The following GRIK1 variants were observed in gnomAD, a reference collection of about 807,000 sequenced individuals.
GRIK1 encodes glutamate receptor ionotropic, kainate 1.
In GRIK1, 69 loss-of-function variants were observed where a neutral mutation model predicts 105.7. That is an observed-to-expected ratio of 0.65 (90% CI 0.54 to 0.80). The LOEUF (loss-of-function observed/expected upper bound fraction) is 0.80, where lower values mean the gene tolerates loss of function less well. Among genes scored for constraint, GRIK1 ranks in the 30% least tolerant of loss-of-function variants. GRIK1 has a pLI of 0.00. For synonymous variants in GRIK1, 438 were observed against 431.3 expected (o/e 1.02, Z -0.19); for missense variants, 1,109 against 1,167.3 (o/e 0.95, Z 0.73).
intron 1 of GRIK1, among the ~76,000 whole-genome samples, chr21:29,893,775 C>T (rs966875928): frequency 1.3e-5 from 2 of 152,152 alleles, no homozygotes; most frequent in Non-Finnish European, 2.9e-5. Flanking sequence ...GTAACAACTA[C>T]AATTCAGTGT....
chr21:29,749,932 G>A (rs951034347), intron 1 of GRIK1, among the ~76,000 whole-genome samples: 6 of 151,896 alleles, frequency 4.0e-5, no homozygotes, highest in South Asian at 2.1e-4. Flanking sequence ...TCAAAAGTAC[G>A]TAATCTAAAT....
intron 3 of GRIK1, among the ~76,000 whole-genome samples, chr21:29,678,120 TA>T (rs1440585176): frequency 6.6e-6 from 1 of 152,240 alleles, no homozygotes; most frequent in East Asian, 1.9e-4. Context: ...TTGCAAATTT[TA>T]AATGTTAATT....
At chr21:29,753,214 A>G (rs1332708754) in intron 1 of GRIK1, among the ~76,000 whole-genome samples, 1 of 152,240 alleles carries the variant, frequency 6.6e-6, no homozygotes, top group East Asian at 1.9e-4. Context: ...AAAATAAATT[A>G]TCTAGTGCGA....
chr21:29,580,789 C>T lies in GRIK1; in HGVS notation c.1912+636G>A, dbSNP rs1400514809. ...AAATCACAAAAGAAATGGAGTTCTT[C>T]CAAAGGTTAAAATAGCTCCCCCTTC... On this transcript the variant is annotated intron_variant, in intron 13 of 17. Transcript: ENST00000327783. Among the ~76,000 whole-genome samples, 3 of 152,038 alleles carry T rather than the reference C, an allele frequency of 2.0e-5. No individual in the cohort carries two copies. The East Asian group carries it at 5.8e-4, about 29-fold the overall frequency.
chr21:29,798,473 T>C (rs2066615797), intron 1 of GRIK1, among the ~76,000 whole-genome samples: 1 of 152,232 alleles, frequency 6.6e-6, no homozygotes, highest in African/African-American at 2.4e-5. Context: ...CCTAAGATGA[T>C]TTAGTTGTTC....
At chr21:29,609,249 A>G (rs932898000) in intron 7 of GRIK1, among the ~76,000 whole-genome samples, 3 of 152,134 alleles carry the variant, frequency 2.0e-5, no homozygotes, top group African/African-American at 7.2e-5. Flanking sequence ...TTGGTAACCT[A>G]TAAATGACAC....
intron 3 of GRIK1, among the ~76,000 whole-genome samples, chr21:29,679,874 T>G (rs1025708990): frequency 6.6e-6 from 1 of 152,218 alleles, no homozygotes; most frequent in African/African-American, 2.4e-5. Context: ...ATCCTCCATT[T>G]AAAAATAAAC....
intron 1 of GRIK1, among the ~76,000 whole-genome samples, chr21:29,793,884 G>A (rs919107794): frequency 2.6e-5 from 4 of 152,100 alleles, no homozygotes; most frequent in East Asian, 1.9e-4. Flanking sequence ...AGCATTCCAC[G>A]CACTTTGTTA....
chr21:29,687,355 T>C (rs2063504227), intron 3 of GRIK1, among the ~76,000 whole-genome samples: 1 of 152,138 alleles, frequency 6.6e-6, no homozygotes, highest in Admixed American at 6.5e-5. Context: ...CTCCTTTTTA[T>C]GGTGTGATAA....
At chr21:29,770,644 G>T (rs1258478386) in intron 1 of GRIK1, among the ~76,000 whole-genome samples, 1 of 152,162 alleles carries the variant, frequency 6.6e-6, no homozygotes, top group Non-Finnish European at 1.5e-5. Context: ...TACTGTTTTT[G>T]TGCAAACAGA....
chr21:29,776,529 C>T (rs2145757593), intron 1 of GRIK1, among the ~76,000 whole-genome samples: 1 of 152,302 alleles, frequency 6.6e-6, no homozygotes, highest in East Asian at 1.9e-4. Context: ...ATCTCTGTAG[C>T]ACCCCAATTA....
intron 2 of GRIK1, among the ~76,000 whole-genome samples, chr21:29,690,305 G>C (rs1175860574): frequency 6.6e-6 from 1 of 152,150 alleles, no homozygotes; most frequent in Non-Finnish European, 1.5e-5. Flanking sequence ...GGTGTTACCT[G>C]AAAGCACTCC....
At chr21:29,560,426 T>C (rs13050917) in intron 15 of GRIK1, among the ~76,000 whole-genome samples, 1 of 131,918 alleles carries the variant, frequency 7.6e-6, no homozygotes, top group Non-Finnish European at 1.6e-5. Context: ...TCTTTCTTTC[T>C]TTCTTTCTTT....
intron 1 of GRIK1, among the ~76,000 whole-genome samples, chr21:29,773,481 T>A (rs1413485434): frequency 3.3e-5 from 5 of 152,174 alleles, no homozygotes; most frequent in Non-Finnish European, 7.3e-5. Context: ...TCTTGACATA[T>A]GTCTACCTGT....
intron 4 of GRIK1, among the ~76,000 whole-genome samples, chr21:29,672,620 C>A (rs2063180289): frequency 6.6e-6 from 1 of 152,058 alleles, no homozygotes; most frequent in African/African-American, 2.4e-5. Flanking sequence ...ACAAGTCAGG[C>A]ATTGTGGAAA....
At chr21:29,593,952 A>G (rs1036418324) in intron 9 of GRIK1, among the ~76,000 whole-genome samples, 1 of 152,222 alleles carries the variant, frequency 6.6e-6, no homozygotes, top group African/African-American at 2.4e-5. Flanking sequence ...CCAATCAACT[A>G]AGTCCCAAGT....
intron 1 of GRIK1, among the ~76,000 whole-genome samples, chr21:29,732,227 G>T (rs1244386512): frequency 6.6e-6 from 1 of 152,144 alleles, no homozygotes; most frequent in East Asian, 1.9e-4. Flanking sequence ...CAGATGTGAA[G>T]AATCCAGGCT....
At chr21:29,649,245 A>T (rs1601367675) in intron 6 of GRIK1, among the ~76,000 whole-genome samples, 1 of 152,310 alleles carries the variant, frequency 6.6e-6, no homozygotes, top group South Asian at 2.1e-4. Flanking sequence ...TGTTGGATAC[A>T]ACTCATACTG....
chr21:29,616,801 A>G (rs1050907821), intron 7 of GRIK1, among the ~76,000 whole-genome samples: 1 of 152,264 alleles, frequency 6.6e-6, no homozygotes, highest in Non-Finnish European at 1.5e-5. Flanking sequence ...GCTTGATGCC[A>G]TACTTCAAAG....
Sources: allele counts gnomAD v4.1 joint callset (sites outside exome capture counted in the v4.1 genomes callset), GRCh38; gene constraint gnomAD v4.1.1; transcripts MANE v1.5; gene names NCBI Gene and HGNC (gene_info 2026-07-23, HGNC 2026-07-21).